Variants in MAX observed in about 807,000 individuals in gnomAD.
MAX encodes protein max.
Under a neutral mutation model 22.3 loss-of-function variants are expected in MAX, and 3 were observed. The observed-to-expected ratio is 0.13, with a 90% CI of 0.06 to 0.35. The LOEUF (loss-of-function observed/expected upper bound fraction) is 0.35, where lower values mean the gene tolerates loss of function less well. Ranked by LOEUF, MAX falls within the 10% of genes least tolerant of loss-of-function variation. MAX has a pLI of 1.00. For missense variants in MAX, 119 were observed against 209.4 expected (o/e 0.57, Z 2.66); for synonymous variants, 72 against 77.7 (o/e 0.93, Z 0.39).
chr14:65,073,800 A>C (rs973402816), downstream of MAX, among the ~76,000 whole-genome samples: 3 of 152,204 alleles, frequency 2.0e-5, no homozygotes, highest in Admixed American at 6.5e-5. Flanking sequence ...GTTCCTGCCC[A>C]GGAAGCTGCT....
rs547484938 is a variant in MAX, at chr14:65,045,589, T to C, written c.172-39305A>G. On this transcript the variant is annotated intron_variant, in intron 3 of 3. Transcript: ENST00000341653. Reference sequence around the variant, plus strand: ...TGCCACCACACCTGGCTAATTTTTGTATTTTTAGTAGAGACAGGGTTTCAC... The same window carrying C: ...TGCCACCACACCTGGCTAATTTTTGCATTTTTAGTAGAGACAGGGTTTCAC... 2.6e-5 allele frequency among the ~76,000 whole-genome samples: 4 copies of C among 152,240 alleles called. No individual in the cohort carries two copies. The South Asian group carries it at 8.3e-4, about 32-fold the overall frequency.
rs1272702481 is a variant in MAX, at chr14:65,084,093, C to T, written c.172-6057G>A. On this transcript the variant is annotated intron_variant, in intron 3 of 4. Transcript: ENST00000358664. This position sits in a 1 kb window ranked among gnomAD's most constrained non-coding sequence, Gnocchi z 4.3. ...GCCACAGGACCATTTTGCTGATTAC[C>T]AGGGTAAGGCAGAGCTATCAGCCCT... 2 of 1,599,666 alleles carry T rather than the reference C, an allele frequency of 1.3e-6. No individual in the cohort carries two copies. The highest frequency in any genetic ancestry group is 2.2e-5 in the South Asian group (2 of 90,172).
chr14:65,019,751 C>T (rs1052553249), intron 3 of MAX, among the ~76,000 whole-genome samples: 3 of 152,084 alleles, frequency 2.0e-5, no homozygotes, highest in African/African-American at 7.2e-5. Flanking sequence ...TGCTTTGTGC[C>T]TAGGAGGTGG....
At chr14:65,051,255 C>A (rs1028836075) in intron 3 of MAX, among the ~76,000 whole-genome samples, 1 of 152,184 alleles carries the variant, frequency 6.6e-6, no homozygotes, top group Non-Finnish European at 1.5e-5. Context: ...CCTTGGAAAC[C>A]CTTTTCCTCT....
intron 3 of MAX, among the ~76,000 whole-genome samples, chr14:65,056,674 G>A (rs28648456): frequency 0.13 from 20,325 of 151,954 alleles, 1,710 homozygotes; most frequent in East Asian, 0.25. Flanking sequence ...CTTACTGATG[G>A]GTAACTTCAG....
intron 2 of MAX, among the ~76,000 whole-genome samples, chr14:65,100,782 G>C (rs2781371): frequency 0.089 from 13,494 of 151,908 alleles, 1,322 homozygotes; most frequent in African/African-American, 0.23. Flanking sequence ...CCATATTACT[G>C]TCTCAGACTC....
intron 3 of MAX, among the ~76,000 whole-genome samples, chr14:65,090,921 T>C (rs2063489490): frequency 6.6e-6 from 1 of 152,170 alleles, no homozygotes; most frequent in African/African-American, 2.4e-5. Context: ...CTATTATTGG[T>C]TAGGATCCAA....
rs1244651954 is a variant in MAX, at chr14:65,023,861, G to T, written c.172-17577C>A. Among the ~76,000 whole-genome samples the T allele has an allele frequency of 6.6e-6, 1 of 152,132 alleles. No individual in the cohort carries two copies. Among genetic ancestry groups the T allele is most frequent in the Non-Finnish European group, 1.5e-5 (1 of 68,030 alleles). ...CACGCCTGTAATCCTAGCACTTTGG[G>T]AGGCCAAGGCGGGCGGATTGTCTGA... On this transcript the variant is annotated intron_variant, in intron 3 of 3. Coordinates refer to the MAX transcript ENST00000341653. The surrounding 1 kb of genome is among the most constrained non-coding windows in gnomAD (Gnocchi z 4.1).
chr14:65,029,372 A>T lies in MAX; in HGVS notation c.172-23088T>A, dbSNP rs1222257106. Reference sequence around the variant, plus strand: ...TTTGACTTGGAGAAAAGCAGCAGTGATGGGAGAGTTTGACATCTGGAGACT... The same window carrying T: ...TTTGACTTGGAGAAAAGCAGCAGTGTTGGGAGAGTTTGACATCTGGAGACT... On this transcript the variant is annotated intron_variant, in intron 3 of 3. Coordinates refer to the MAX transcript ENST00000341653. The surrounding 1 kb of genome is among the most constrained non-coding windows in gnomAD (Gnocchi z 4.7). Among the ~76,000 whole-genome samples the T allele has an allele frequency of 6.6e-6, 1 of 152,172 alleles. No homozygotes were observed. The highest frequency in any genetic ancestry group is 1.9e-4 in the East Asian group (1 of 5,192).
Position 65,012,125 on chromosome 14 carries a change from A to AT in MAX, c.172-5842dup. 1.7e-6 allele frequency: 1 copy of AT among 595,788 alleles called. No homozygotes were observed. The highest frequency in any genetic ancestry group is 2.0e-5 in the South Asian group (1 of 50,008). 36.9% of individuals were successfully genotyped at this position (595,788 alleles called of 1,614,324 possible). ...CATGGTTTTCAGATGCTTTAGAGACATTCAGACAAGAGCTTCTTTTCTCTG... is the reference window on the plus strand; with the variant it reads ...CATGGTTTTCAGATGCTTTAGAGACATTTCAGACAAGAGCTTCTTTTCTCTG... On this transcript the variant is annotated intron_variant, in intron 3 of 3. Coordinates refer to the MAX transcript ENST00000341653. This position sits in a 1 kb window ranked among gnomAD's most constrained non-coding sequence, Gnocchi z 5.0.
intron 3 of MAX, among the ~76,000 whole-genome samples, chr14:65,050,824 C>T (rs78214297): frequency 0.05 from 7,601 of 152,222 alleles, 640 homozygotes; most frequent in African/African-American, 0.17. Context: ...TCCCTTTAAC[C>T]GAATAATTCC....
chr14:65,074,142 C>T (rs558201258), downstream of MAX, among the ~76,000 whole-genome samples: 2 of 152,174 alleles, frequency 1.3e-5, no homozygotes, highest in Non-Finnish European at 2.9e-5. Context: ...AGCAAACCAA[C>T]TGTATACTTA....
intron 3 of MAX, among the ~76,000 whole-genome samples, chr14:65,085,442 T>C (rs1456725229): frequency 6.6e-6 from 1 of 152,228 alleles, no homozygotes; most frequent in Non-Finnish European, 1.5e-5. Flanking sequence ...AATCAATCTC[T>C]ATCCTTCCGA....
Position 65,014,021 on chromosome 14 carries a change from C to T in MAX, c.172-7737G>A, listed in dbSNP as rs570418581. 1.3e-5 allele frequency among the ~76,000 whole-genome samples: 2 copies of T among 152,294 alleles called. No homozygotes were observed. Among genetic ancestry groups the T allele is most frequent in the South Asian group, 4.1e-4 (2 of 4,820 alleles). The stretch of plus-strand genomic sequence containing the variant: ...ATCCCTGGCAGTGTCTTCAGTAGCT[C>T]ACCAGCCTACCTTCCAGGTGGTGGG... On this transcript the variant is annotated intron_variant, in intron 3 of 3. Coordinates refer to the MAX transcript ENST00000341653. The surrounding 1 kb of genome is among the most constrained non-coding windows in gnomAD (Gnocchi z 5.1).
In MAX at chr14:65,012,296, A is replaced by G. The variant is rs2061695932; in HGVS notation, c.172-6012T>C. ...AAGCATAAGCTATTAGAATGGGCTT[A>G]TAAACTGTTTGTCTTTCCAGGCTTG... is the stretch of plus-strand genomic sequence containing the variant. On this transcript the variant is annotated intron_variant, in intron 3 of 3. Transcript: ENST00000341653. The surrounding 1 kb of genome is among the most constrained non-coding windows in gnomAD (Gnocchi z 5.0). 6.2e-7 allele frequency: 1 copy of G among 1,614,014 alleles called. No individual in the cohort carries two copies. Among genetic ancestry groups the G allele is most frequent in the Non-Finnish European group, 8.5e-7 (1 of 1,179,880 alleles).
chr14:65,073,922 T>C (rs141962497), downstream of MAX, among the ~76,000 whole-genome samples: 122 of 152,264 alleles, frequency 8.0e-4, no homozygotes, highest in African/African-American at 2.8e-3. Flanking sequence ...TCTGAACTGG[T>C]TTACTGAAAT....
At position 65,037,419 on chromosome 14, in the gene MAX, T is replaced by C. The variant is rs2062223600; in HGVS notation, c.172-31135A>G. On this transcript the variant is annotated intron_variant, in intron 3 of 3. Coordinates refer to the MAX transcript ENST00000341653. ...CGCCGGGCCCTTTTTTTTTTTTTTT[T>C]TTTTTTTTTTTTTTTTTTTTTTTTT... 2.0e-5 allele frequency among the ~76,000 whole-genome samples: 2 copies of C among 101,684 alleles called. 1 individual carries two copies. The highest frequency in any genetic ancestry group is 2.2e-4 in the Admixed American group (2 of 8,958). The allele number at this position is 101,684 out of a possible 152,430, so 66.7% of individuals were successfully genotyped here. A position where few individuals can be genotyped will look rare whatever the true frequency, so the allele number is the denominator to read the frequency against.
chr14:65,018,702 C>T (rs1015825193), intron 3 of MAX, among the ~76,000 whole-genome samples: 10 of 149,162 alleles, frequency 6.7e-5, no homozygotes, highest in Non-Finnish European at 3.0e-5. Flanking sequence ...CCCAGCTACT[C>T]GGGAGACTAA....
chr14:65,023,404 A>G lies in MAX; in HGVS notation c.172-17120T>C, dbSNP rs374082064. ...CCTCAGCCATCACCTAAGAGTCCCAAGTAAACTCCTTATAAGGCTGAGAGG... is the reference window on the plus strand; with the variant it reads ...CCTCAGCCATCACCTAAGAGTCCCAGGTAAACTCCTTATAAGGCTGAGAGG... On this transcript the variant is annotated intron_variant, in intron 3 of 3. Coordinates refer to the MAX transcript ENST00000341653. This position sits in a 1 kb window ranked among gnomAD's most constrained non-coding sequence, Gnocchi z 4.1. 1.8e-4 allele frequency among the ~76,000 whole-genome samples: 28 copies of G among 152,282 alleles called. No individual in the cohort carries two copies. The East Asian group carries it at 2.5e-3, about 14-fold the overall frequency.
Sources: gnomAD v4.1 joint callset for allele counts (sites outside exome capture counted in the v4.1 genomes callset) on GRCh38, gnomAD v4.1.1 for gene constraint, Gnocchi (gnomAD v3.1) non-coding constraint, MANE v1.5 for transcripts, NCBI Gene and HGNC (gene_info 2026-07-23, HGNC 2026-07-21) for gene names.